The following SETDB1 variants were observed in gnomAD, a reference collection of about 807,000 sequenced individuals.
The protein encoded by SETDB1 is histone-lysine N-methyltransferase SETDB1.
In SETDB1, 31 loss-of-function variants were observed where a neutral mutation model predicts 137.4. The observed-to-expected ratio is 0.23, with a 90% confidence interval of 0.17 to 0.30. The LOEUF is 0.30. Ranked by LOEUF, SETDB1 falls within the 10% of genes least tolerant of loss-of-function variation. The pLI, the probability that SETDB1 is intolerant of heterozygous loss-of-function variation, is 1.00. For synonymous variants in SETDB1, 548 were observed against 579.9 expected (o/e 0.95, Z 0.79); for missense variants, 1,113 against 1,631.5 (o/e 0.68, Z 5.47).
chr1:150,933,408 C>G (rs1014699292), intron 3 of SETDB1, among the ~76,000 whole-genome samples: 4 of 138,426 alleles, frequency 2.9e-5, no homozygotes, highest in Non-Finnish European at 4.5e-5. Flanking sequence ...CTCCATTGCC[C>G]TGGCTGAAGT....
chr1:150,944,497 A>T (rs963616496), intron 8 of SETDB1, among the ~76,000 whole-genome samples: 1 of 152,234 alleles, frequency 6.6e-6, no homozygotes, highest in Non-Finnish European at 1.5e-5. Flanking sequence ...TTGTTTACAC[A>T]TAACATGACA....
At chr1:150,949,657 G>A in intron 12 of SETDB1, 132 bp downstream of exon 12, 1 of 698,900 alleles carries the variant, frequency 1.4e-6, no homozygotes, top group Non-Finnish European at 2.3e-6. Flanking sequence ...TGAAAAGGAA[G>A]CTTTACCCAT....
In SETDB1 at chr1:150,939,960, C is replaced by G. The variant is rs751125292; in HGVS notation, c.433C>G (p.Pro145Ala). The change falls in exon 4 of 22, where the codon CCA becomes GCA. Residue 145 changes from proline to alanine, a missense_variant. Coordinates refer to ENST00000692827, the MANE Select transcript of SETDB1 (RefSeq NM_001366418.1). The part of the protein sequence containing the change: ...IDSGDAGSRT[P>A]KDQKLREAMA... ...CATAGGTGATGCTGGGAGCAGAACT[C>G]CAAAAGACCAGAAGGTAAGTTAGGA... 2.5e-6 allele frequency: 4 copies of G among 1,612,160 alleles called. No individual in the cohort carries two copies. The Admixed American group carries it at 6.7e-5, about 27-fold the overall frequency.
chr1:150,944,416 G>A (rs1213888724), intron 8 of SETDB1, among the ~76,000 whole-genome samples: 1 of 152,168 alleles, frequency 6.6e-6, no homozygotes, highest in Non-Finnish European at 1.5e-5. Context: ...CACTATATTT[G>A]TTACCCTGGC....
chr1:150,948,426 A>G (rs1159456248), intron 10 of SETDB1, among the ~76,000 whole-genome samples: 1 of 151,764 alleles, frequency 6.6e-6, no homozygotes, highest in Admixed American at 6.6e-5. Flanking sequence ...GACTGCTACC[A>G]TGCCAGGCTA....
At chr1:150,958,834 A>G (rs1421704909) in intron 14 of SETDB1, among the ~76,000 whole-genome samples, 1 of 152,024 alleles carries the variant, frequency 6.6e-6, no homozygotes, top group Non-Finnish European at 1.5e-5. Context: ...CCGTCCATAT[A>G]GTGCTTATTT....
intron 15 of SETDB1, 64 bp from the exon 16 acceptor site, chr1:150,960,499 A>G (rs1396556912): frequency 7.1e-7 from 1 of 1,405,332 alleles, no homozygotes; most frequent in Non-Finnish European, 9.6e-7. Flanking sequence ...AAAAAAAGCA[A>G]ACAAAAAAAA....
At chr1:150,929,468 T>G (rs1669655295) in intron 2 of SETDB1, among the ~76,000 whole-genome samples, 2 of 152,062 alleles carry the variant, frequency 1.3e-5, no homozygotes, top group African/African-American at 4.8e-5. Context: ...AGCCTCCGCC[T>G]CCCGAGTTCA....
At chr1:150,952,444 T>TG (rs1670516297) in intron 14 of SETDB1, among the ~76,000 whole-genome samples, 1 of 151,792 alleles carries the variant, frequency 6.6e-6, no homozygotes, top group Admixed American at 6.6e-5. Context: ...GATTATGGAG[T>TG]GGGGGGAAAG....
intron 3 of SETDB1, among the ~76,000 whole-genome samples, chr1:150,933,779 C>CTTTTTTTTTTTTTTTTTTTT (rs890205371): frequency 5.0e-5 from 1 of 20,114 alleles, no homozygotes; most frequent in Admixed American, 7.5e-4. Context: ...TTTTCTTTTT[C>CTTTTTTTTTTTTTTTTTTTT]TTTTTTTTTT....
Position 150,960,824 on chromosome 1 carries a change from T to C in SETDB1, c.2765T>C (p.Val922Ala). Residue 922 changes from valine to alanine, a missense_variant, in exon 16 of 22, where the codon GTG becomes GCG. Physicochemically the swap from Val to Ala is moderately conservative, Grantham distance 64. Transcript: ENST00000692827. ...GATGAGGACTTCAGCACCAGTTCAG[T>C]GTGGCGGAGCTATGCTACCCGGAGG... ...CKDEDFSTSS[V>A]WRSYATRRQT... is the part of the protein sequence containing the mutation. 2.5e-6 allele frequency: 4 copies of C among 1,605,462 alleles called. No homozygotes were observed. Among genetic ancestry groups the C allele is most frequent in the Non-Finnish European group, 2.6e-6 (3 of 1,175,930 alleles).
intron 14 of SETDB1, among the ~76,000 whole-genome samples, chr1:150,955,049 C>G (rs1386400218): frequency 6.6e-6 from 1 of 152,172 alleles, no homozygotes; most frequent in African/African-American, 2.4e-5. Flanking sequence ...TGAATACATT[C>G]AGAGGAGATC....
At chr1:150,957,418 G>GTA (rs1203940270) in intron 14 of SETDB1, among the ~76,000 whole-genome samples, 1 of 152,148 alleles carries the variant, frequency 6.6e-6, no homozygotes, top group Non-Finnish European at 1.5e-5. Context: ...AAACACAAAA[G>GTA]TATATGCTTA....
intron 3 of SETDB1, 92 bp from the exon 4 acceptor site, chr1:150,939,848 A>T: frequency 1.2e-6 from 1 of 851,882 alleles, no homozygotes; most frequent in East Asian, 2.5e-5. Context: ...TAATGCTCCC[A>T]TAATAATGCT....
chr1:150,953,775 G>A (rs1293539842), intron 14 of SETDB1, among the ~76,000 whole-genome samples: 2 of 151,996 alleles, frequency 1.3e-5, no homozygotes, highest in Admixed American at 1.3e-4. Context: ...ATTACAGTAA[G>A]CTGAGATTGC....
In SETDB1 at chr1:150,949,109, C is replaced by T; in HGVS notation, c.1268-13C>T. On this transcript the variant is annotated splice_polypyrimidine_tract_variant and intron_variant, in intron 10 of 21. Transcript: ENST00000692827. Reference sequence around the variant, plus strand: ...TATCATCTTCTCAGTGCTCAATTTCCTTTTTCCTATAGGTGCTGTGAGGAG... The same window carrying T: ...TATCATCTTCTCAGTGCTCAATTTCTTTTTTCCTATAGGTGCTGTGAGGAG... The T allele has an allele frequency of 6.2e-7, 1 of 1,607,926 alleles. No homozygotes were observed. Among genetic ancestry groups the T allele is most frequent in the Non-Finnish European group, 8.5e-7 (1 of 1,175,904 alleles).
chr1:150,947,819 T>C (rs1202769831), intron 10 of SETDB1, among the ~76,000 whole-genome samples: 1 of 152,148 alleles, frequency 6.6e-6, no homozygotes, highest in Non-Finnish European at 1.5e-5. Flanking sequence ...TTAATATTAC[T>C]GTCATACTTT....
At chr1:150,945,515 TTCTCCCTTCTC>T (rs1571643428) in intron 9 of SETDB1, among the ~76,000 whole-genome samples, 1 of 152,174 alleles carries the variant, frequency 6.6e-6, no homozygotes, top group African/African-American at 2.4e-5. Flanking sequence ...ACTCATCCTT[TTCTCCCTTCTC>T]TCTCCCTTCT....
chr1:150,957,525 C>T (rs1299884072), intron 14 of SETDB1, among the ~76,000 whole-genome samples: 1 of 152,112 alleles, frequency 6.6e-6, no homozygotes, highest in Non-Finnish European at 1.5e-5. Flanking sequence ...AAGTAAATTT[C>T]TTCCATTGAT....
Sources: gnomAD v4.1 joint callset for allele counts (sites outside exome capture counted in the v4.1 genomes callset) on GRCh38, gnomAD v4.1.1 for gene constraint, MANE v1.5 for transcripts, NCBI Gene and HGNC (gene_info 2026-07-23, HGNC 2026-07-21) for gene names.